MPV17L2: variants seen among roughly 807,000 people sequenced by gnomAD.
The protein encoded by MPV17L2 is mpv17-like protein 2.
Under a neutral mutation model 24.2 loss-of-function variants are expected in MPV17L2, and 25 were observed. That is an observed-to-expected ratio of 1.03 (90% confidence interval 0.75 to 1.44). The LOEUF is 1.44. MPV17L2 is among the 40% of genes most tolerant of loss of function. The pLI is 0.00. For missense variants in MPV17L2, 271 were observed against 276.2 expected, an observed-to-expected ratio of 0.98 and a Z score of 0.13; for synonymous variants, 130 against 121.4, an observed-to-expected ratio of 1.07 and a Z score of -0.46.
Position 18,194,029 on chromosome 19 carries a change from T to A in MPV17L2, c.353T>A (p.Phe118Tyr). 1.9e-6 allele frequency: 3 copies of A among 1,613,940 alleles called. No individual in the cohort carries two copies. The highest frequency in any genetic ancestry group is 2.5e-6 in the Non-Finnish European group (3 of 1,179,914). Residue 118 changes from phenylalanine (F) to tyrosine (Y), a missense_variant, in exon 2 of 5, where the codon TTC becomes TAC. By Grantham distance (22) the Phe-to-Tyr change is conservative. Transcript: ENST00000599612. Reference protein sequence around the residue: ...VASPLLGVWYFLGLGCLEGQT... With the variant: ...VASPLLGVWYYLGLGCLEGQT... Reference sequence around the variant, plus strand: ...TCTCCATTGCTGGGCGTCTGGTACTTCTTGGGTAAGGAGCCTCCTAAGCCT... The same window carrying A: ...TCTCCATTGCTGGGCGTCTGGTACTACTTGGGTAAGGAGCCTCCTAAGCCT...
intron 4 of MPV17L2, 149 bp from the exon 5 acceptor site, chr19:18,195,850 G>T: frequency 2.8e-6 from 2 of 722,902 alleles, no homozygotes; most frequent in South Asian, 1.8e-5. Context: ...CAAACAAAAA[G>T]ACCCAACCCT....
intron 4 of MPV17L2, 71 bp downstream of exon 4, chr19:18,195,157 A>G (rs1967490814): frequency 6.4e-7 from 1 of 1,557,056 alleles, no homozygotes; most frequent in African/African-American, 1.4e-5. Context: ...TCCAAGTGGC[A>G]GTGTAGCCAG....
At chr19:18,194,731 G>A in intron 2 of MPV17L2, 46 bp from the exon 3 acceptor site, 1 of 1,535,118 alleles carries the variant, frequency 6.5e-7, no homozygotes, top group African/African-American at 1.4e-5. Flanking sequence ...CGTCTCAACA[G>A]TACTTCCTGG....
intron 4 of MPV17L2, 44 bp downstream of exon 4, chr19:18,195,130 G>C: frequency 1.3e-6 from 2 of 1,592,460 alleles, no homozygotes; most frequent in Non-Finnish European, 1.7e-6. Flanking sequence ...ACTCCCCAGG[G>C]GGCTACACGT....
In MPV17L2 at chr19:18,196,078, T is replaced by G. The variant is rs762464321; in HGVS notation, c.*23T>G. 6.2e-7 allele frequency: 1 copy of G among 1,614,052 alleles called. No individual in the cohort carries two copies. The highest frequency in any genetic ancestry group is 1.1e-5 in the South Asian group (1 of 91,082). ...TGAACTGTCTGCTTCCTGGACCAGA[T>G]GCAAGACTGTCTCCTGGCGGACCAC... On this transcript the variant is annotated 3_prime_UTR_variant, in exon 5 of 5. Coordinates refer to ENST00000599612, the MANE Select transcript of MPV17L2 (RefSeq NM_032683.3).
Position 18,193,469 on chromosome 19 carries a change from G to T in MPV17L2, c.187+1G>T. On this transcript the variant is annotated splice_donor_variant, in intron 1 of 4. Coordinates refer to ENST00000599612, the MANE Select transcript of MPV17L2 (RefSeq NM_032683.3). LOFTEE classifies it high-confidence loss of function. Reference sequence around the variant, plus strand: ...CAGGTTTTCGACCCACGGCGCTCCGGTGAGGACGCCACGCTGCTTAGTCCT... The same window carrying T: ...CAGGTTTTCGACCCACGGCGCTCCGTTGAGGACGCCACGCTGCTTAGTCCT... 2 of 1,516,318 alleles carry T rather than the reference G, an allele frequency of 1.3e-6. No individual in the cohort carries two copies. 93.9% of individuals were successfully genotyped at this position (1,516,318 alleles called of 1,614,324 possible).
chr19:18,195,126 C>T (rs371336268), intron 4 of MPV17L2, 40 bp downstream of exon 4: 2 of 1,599,542 alleles, frequency 1.3e-6, no homozygotes, highest in East Asian at 2.2e-5. Context: ...GGGGACTCCC[C>T]AGGGGGCTAC....
At position 18,196,104 on chromosome 19, in the gene MPV17L2, C is replaced by A. The variant is rs966177038; in HGVS notation, c.*49C>A. ...GCAAGACTGTCTCCTGGCGGACCAC[C>A]CCCTCTGACAGAAGGGGAATGGGCT... On this transcript the variant is annotated 3_prime_UTR_variant, in exon 5 of 5. Transcript: ENST00000599612. 3 of 1,613,400 alleles carry A rather than the reference C, an allele frequency of 1.9e-6. No homozygotes were observed. Among genetic ancestry groups the A allele is most frequent in the Non-Finnish European group, 2.5e-6 (3 of 1,179,872 alleles).
chr19:18,194,656 C>CCGGGGTGGG, intron 2 of MPV17L2, 121 bp from the exon 3 acceptor site: 1 of 794,898 alleles, frequency 1.3e-6, no homozygotes, highest in Non-Finnish European at 2.0e-6. Context: ...GTCCCTCTGC[C>CCGGGGTGGG]CGGGGTGGGC....
Position 18,193,363 on chromosome 19 carries a change from A to G in MPV17L2, c.82A>G (p.Thr28Ala), listed in dbSNP as rs1213280150. 1.0e-5 allele frequency: 16 copies of G among 1,568,918 alleles called. No individual in the cohort carries two copies. Among genetic ancestry groups the G allele is most frequent in the Non-Finnish European group, 1.3e-5 (15 of 1,163,162 alleles). ...LLFQGRALLVTNTLGCGALMA... is the reference protein window; with the variant it reads ...LLFQGRALLVANTLGCGALMA... ...ATTCCAGGGCCGCGCGCTGCTCGTC[A>G]CTAACACGCTGGGCTGCGGCGCGCT... Residue 28 changes from threonine (T) to alanine (A), a missense_variant, in exon 1 of 5, where the codon ACT becomes GCT. Physicochemically the swap from Thr to Ala is moderately conservative, Grantham distance 58. Transcript: ENST00000599612.
At chr19:18,193,786 C>G in intron 1 of MPV17L2, 78 bp from the exon 2 acceptor site, 8 of 1,573,824 alleles carry the variant, frequency 5.1e-6, no homozygotes, top group Non-Finnish European at 6.9e-6. Flanking sequence ...TTACCCAGGC[C>G]TTAGCCAGGG....
chr19:18,195,137 A>C (rs1337852738), intron 4 of MPV17L2, 51 bp downstream of exon 4: 1 of 1,581,032 alleles, frequency 6.3e-7, no homozygotes, highest in African/African-American at 1.3e-5. Context: ...AGGGGGCTAC[A>C]CGTGTGAGCT....
At position 18,194,955 on chromosome 19, in the gene MPV17L2, C is replaced by G. The variant is rs927530781; in HGVS notation, c.436-3C>G. On this transcript the variant is annotated splice_region_variant and splice_polypyrimidine_tract_variant and intron_variant, in intron 3 of 4. Coordinates refer to ENST00000599612, the MANE Select transcript of MPV17L2 (RefSeq NM_032683.3). The stretch of plus-strand genomic sequence containing the variant: ...GCCCCTCATCCCCCGCCTCTCCCCG[C>G]AGGCAGACTGGTGCGTGTGGCCTGC... The G allele has an allele frequency of 1.9e-6, 3 of 1,611,994 alleles. No homozygotes were observed.
intron 1 of MPV17L2, 84 bp from the exon 2 acceptor site, chr19:18,193,780 C>A: frequency 6.4e-7 from 1 of 1,566,786 alleles, no homozygotes. Context: ...TTGGGCTTAC[C>A]CAGGCCTTAG....
chr19:18,195,850 G>A lies in MPV17L2; in HGVS notation c.565-149G>A, dbSNP rs1000263460. The A allele has an allele frequency of 4.2e-6, 3 of 722,784 alleles. No individual in the cohort carries two copies. The African/African-American group carries it at 5.3e-5, about 13-fold the overall frequency. The allele number at this position is 722,784 out of a possible 1,614,324, so 44.8% of individuals were successfully genotyped here. On this transcript the variant is annotated intron_variant, in intron 4 of 4. Coordinates refer to ENST00000599612, the MANE Select transcript of MPV17L2 (RefSeq NM_032683.3). ...AGACTCCGTCTCAAACAAACAAAAA[G>A]ACCCAACCCTTCTCTGCTGTCTGAT...
At chr19:18,195,914 G>A in intron 4 of MPV17L2, 85 bp from the exon 5 acceptor site, 1 of 1,360,242 alleles carries the variant, frequency 7.4e-7, no homozygotes, top group East Asian at 2.3e-5. Flanking sequence ...TGTTGAGCAG[G>A]GCTGACCTCT....
Position 18,196,447 on chromosome 19 carries a change from A to G in MPV17L2, c.*392A>G, listed in dbSNP as rs11552158. ...CAGGTCCTGGGACTAAGGCGGGGAC[A>G]TGACTGATCCCCTCAGAGCAGGCTC... On this transcript the variant is annotated 3_prime_UTR_variant, in exon 5 of 5. Coordinates refer to ENST00000599612, the MANE Select transcript of MPV17L2 (RefSeq NM_032683.3). 4.0e-3 allele frequency: 5,244 copies of G among 1,299,526 alleles called. 183 individuals carry two copies. The African/African-American group carries it at 0.073, about 18-fold the overall frequency. 80.5% of individuals were successfully genotyped at this position (1,299,526 alleles called of 1,614,324 possible).
At position 18,194,853 on chromosome 19, in the gene MPV17L2, G is replaced by A. The variant is rs769742915; in HGVS notation, c.435G>A (p.Lys145=). The part of the protein sequence containing the change: ...ELREKFWEFY[K]ADWCVWPAAQ... ...GGGAGAAGTTCTGGGAATTCTACAA[G>A]GTGGGAGCACCCGCCCCTTGCACAT... is the stretch of plus-strand genomic sequence containing the variant. The change falls in exon 3 of 5, where the codon AAG becomes AAA. Residue 145 remains lysine, a splice_region_variant and synonymous_variant. Transcript: ENST00000599612. 3.1e-6 allele frequency: 5 copies of A among 1,603,874 alleles called. No homozygotes were observed. In the African/African-American group the frequency reaches 6.7e-5, roughly 21 times the overall value.
Position 18,193,399 on chromosome 19 carries a change from G to A in MPV17L2, c.118G>A (p.Gly40Ser), listed in dbSNP as rs1406676883. The change falls in exon 1 of 5, where the codon GGT becomes AGT. Residue 40 changes from glycine (G) to serine (S), a missense_variant. Coordinates refer to ENST00000599612, the MANE Select transcript of MPV17L2 (RefSeq NM_032683.3). ...TLGCGALMAA[G>S]DGVRQSWEIR... ...GGGCTGCGGCGCGCTCATGGCGGCC[G>A]GTGATGGCGTGCGCCAGTCCTGGGA... 2 of 1,569,530 alleles carry A rather than the reference G, an allele frequency of 1.3e-6. No individual in the cohort carries two copies. Among genetic ancestry groups the A allele is most frequent in the African/African-American group, 2.8e-5 (2 of 72,718 alleles).
Sources: gnomAD v4.1 joint callset for allele counts on GRCh38, gnomAD v4.1.1 for gene constraint, MANE v1.5 for transcripts, NCBI Gene and HGNC (gene_info 2026-07-23, HGNC 2026-07-21) for gene names.